The following RAB11FIP3 variants were observed in gnomAD, a reference collection of about 807,000 sequenced individuals.
The protein encoded by RAB11FIP3 is rab11 family-interacting protein 3.
Under a neutral mutation model 77.8 loss-of-function variants are expected in RAB11FIP3, and 17 were observed. That is an observed-to-expected ratio of 0.22 (90% confidence interval 0.15 to 0.33). The LOEUF is 0.33. Among genes scored for constraint, RAB11FIP3 ranks in the 10% least tolerant of loss-of-function variants. The pLI, the probability that RAB11FIP3 is intolerant of heterozygous loss-of-function variation, is 1.00. For synonymous variants in RAB11FIP3, 437 were observed against 448.2 expected (o/e 0.98, Z 0.31); for missense variants, 1,005 against 1,011.2 (o/e 0.99, Z 0.08).
At chr16:439,563 C>G (rs1165714028) in intron 1 of RAB11FIP3, among the ~76,000 whole-genome samples, 1 of 152,168 alleles carries the variant, frequency 6.6e-6, no homozygotes, top group Non-Finnish European at 1.5e-5. Flanking sequence ...GCTGTGGACC[C>G]ACAAAATCTG....
rs2032648735 is a variant in RAB11FIP3 at position 520,719 on chromosome 16, C to T, written c.2158-7C>T. On this transcript the variant is annotated splice_region_variant and splice_polypyrimidine_tract_variant and intron_variant, in intron 13 of 13. Transcript: ENST00000262305. ...GCCTCAGCTCTGACCACCTGCTTGC[C>T]CTACAGCTCATGGAGGCGATTCAGA... The T allele has an allele frequency of 6.2e-7, 1 of 1,613,414 alleles. No homozygotes were observed. The highest frequency in any genetic ancestry group is 1.3e-5 in the African/African-American group (1 of 74,926).
intron 1 of RAB11FIP3, among the ~76,000 whole-genome samples, chr16:444,224 C>T (rs1323288091): frequency 6.6e-6 from 1 of 152,104 alleles, no homozygotes; most frequent in Non-Finnish European, 1.5e-5. Context: ...CAGATATAGG[C>T]CATCAGTCTG....
At chr16:482,835 G>A (rs752436090) in intron 4 of RAB11FIP3, 99 bp downstream of exon 4, 1 of 1,281,026 alleles carries the variant, frequency 7.8e-7, no homozygotes, top group Non-Finnish European at 1.1e-6. Context: ...AGTGCGTGCT[G>A]GTTAGCATCC....
rs267604564 is a variant in RAB11FIP3 at position 496,825 on chromosome 16, C to G, written c.1267C>G (p.Pro423Ala). Residue 423 changes from proline to alanine, a missense_variant and splice_region_variant, in exon 6 of 14, where the codon CCG becomes GCG. By Grantham distance (27) the Pro-to-Ala change is conservative (BLOSUM62 -1). Around this residue, in one of 4 missense-constraint regions of RAB11FIP3, gnomAD observed 433 missense variants for 436.1 expected, o/e 0.99. Coordinates refer to ENST00000262305, the MANE Select transcript of RAB11FIP3 (RefSeq NM_014700.4). ...CTGTTTATTTTGTTTTCTGCACAGT[C>G]CGACAAAGCGGCTCTCCAGCAAGAA... is the stretch of plus-strand genomic sequence containing the variant. ...CSDPAFLTPS[P>A]TKRLSSKKVA... 6.3e-7 allele frequency: 1 copy of G among 1,594,740 alleles called. No homozygotes were observed. Among genetic ancestry groups the G allele is most frequent in the South Asian group, 1.1e-5 (1 of 90,630 alleles).
chr16:510,937 A>G, intron 9 of RAB11FIP3, 137 bp downstream of exon 9: 2 of 1,136,986 alleles, frequency 1.8e-6, no homozygotes, highest in Non-Finnish European at 2.4e-6. Context: ...CAGAACCTGC[A>G]GGCCAGGTAG....
chr16:431,881 T>C (rs7201814), intron 1 of RAB11FIP3, among the ~76,000 whole-genome samples: 12,190 of 151,768 alleles, frequency 0.08, 552 homozygotes, highest in East Asian at 0.2. Flanking sequence ...CTCAGCCTCC[T>C]GAGTAGCTGG....
intron 4 of RAB11FIP3, among the ~76,000 whole-genome samples, chr16:487,352 G>A (rs568305606): frequency 2.6e-5 from 4 of 152,056 alleles, no homozygotes; most frequent in African/African-American, 7.2e-5. Context: ...GGATGGTCTC[G>A]ATCTCCTGAT....
intron 7 of RAB11FIP3, among the ~76,000 whole-genome samples, chr16:503,838 C>T (rs1181321347): frequency 2.0e-5 from 3 of 151,806 alleles, no homozygotes; most frequent in Non-Finnish European, 4.4e-5. Flanking sequence ...CGAGATTGCA[C>T]GACTGCACTC....
intron 1 of RAB11FIP3, among the ~76,000 whole-genome samples, chr16:433,296 A>C (rs796228430): frequency 1.4e-5 from 2 of 139,276 alleles, no homozygotes; most frequent in Admixed American, 7.6e-5. Flanking sequence ...CTCCCAAAGT[A>C]CTGGGATTAC....
chr16:491,473 C>T (rs1344310277), intron 5 of RAB11FIP3, among the ~76,000 whole-genome samples: 9 of 152,244 alleles, frequency 5.9e-5, no homozygotes, highest in Non-Finnish European at 1.3e-4. Flanking sequence ...CAGGCCAGTG[C>T]TTGTCTTGGT....
chr16:483,722 G>A (rs772889197), intron 4 of RAB11FIP3, among the ~76,000 whole-genome samples: 8 of 152,004 alleles, frequency 5.3e-5, no homozygotes, highest in Non-Finnish European at 4.4e-5. Flanking sequence ...ACCTTGTGAG[G>A]TCTGCTGCCT....
In RAB11FIP3 at chr16:440,051, A is replaced by T. The variant is rs539031022; in HGVS notation, c.714+13331A>T. Among the ~76,000 whole-genome samples, 41 of 152,136 alleles carry T rather than the reference A, an allele frequency of 2.7e-4. No homozygotes were observed. In the South Asian group the frequency reaches 8.3e-3, roughly 31 times the overall value. On this transcript the variant is annotated intron_variant, in intron 1 of 13. Transcript: ENST00000262305. ...GACACGGGGTTTCACTGTGTTAGCC[A>T]GGATGGTCTCGATCTCCTGACCTCA... is the stretch of plus-strand genomic sequence containing the variant.
intron 1 of RAB11FIP3, among the ~76,000 whole-genome samples, chr16:429,259 A>T (rs530994238): frequency 2.0e-4 from 30 of 152,196 alleles, no homozygotes; most frequent in African/African-American, 6.0e-4. Flanking sequence ...TGGGTTCCTG[A>T]CATTATATCA....
At chr16:499,931 A>G (rs960973676) in intron 6 of RAB11FIP3, among the ~76,000 whole-genome samples, 2 of 152,180 alleles carry the variant, frequency 1.3e-5, no homozygotes, top group Non-Finnish European at 2.9e-5. Flanking sequence ...TTTTGCCCCA[A>G]ATCTGCCACA....
At chr16:484,292 C>A (rs763953690) in intron 4 of RAB11FIP3, among the ~76,000 whole-genome samples, 2 of 152,192 alleles carry the variant, frequency 1.3e-5, no homozygotes, top group Non-Finnish European at 2.9e-5. Flanking sequence ...TAAGTTCCCC[C>A]ACACAGGGAG....
intron 4 of RAB11FIP3, among the ~76,000 whole-genome samples, chr16:487,128 T>C (rs1156308782): frequency 9.4e-6 from 1 of 106,318 alleles, no homozygotes; most frequent in African/African-American, 4.0e-5. Context: ...CTGGTTTTGG[T>C]TTCTTTTTTT....
intron 1 of RAB11FIP3, among the ~76,000 whole-genome samples, chr16:434,570 G>A (rs975764955): frequency 2.0e-5 from 3 of 152,064 alleles, no homozygotes; most frequent in Non-Finnish European, 2.9e-5. Flanking sequence ...GGGACTACAG[G>A]TACGTGTTAC....
At chr16:433,392 C>T (rs1421715446) in intron 1 of RAB11FIP3, among the ~76,000 whole-genome samples, 3 of 150,392 alleles carry the variant, frequency 2.0e-5, no homozygotes, top group Admixed American at 6.7e-5. Flanking sequence ...TGATATCAAT[C>T]GCTCTATTCT....
chr16:488,318 G>T (rs2056200789), intron 4 of RAB11FIP3, among the ~76,000 whole-genome samples: 1 of 152,178 alleles, frequency 6.6e-6, no homozygotes. Flanking sequence ...AGGCGGAGCT[G>T]GCAGTGAGCC....
Sources: gnomAD v4.1 joint callset for allele counts (sites outside exome capture counted in the v4.1 genomes callset) on GRCh38, gnomAD v4.1.1 for gene constraint, gnomAD v4.1.1 regional missense constraint, MANE v1.5 for transcripts, NCBI Gene and HGNC (gene_info 2026-07-23, HGNC 2026-07-21) for gene names.